Variants in EPC2 observed in about 807,000 individuals in gnomAD.
EPC2 encodes the protein enhancer of polycomb homolog 2.
A neutral mutation model predicts 92.1 loss-of-function variants in EPC2; 14 were observed. That is an observed-to-expected ratio of 0.15 (90% confidence interval 0.10 to 0.24). The LOEUF (loss-of-function observed/expected upper bound fraction) is 0.24. Ranked by LOEUF, EPC2 falls within the 10% of genes least tolerant of loss-of-function variation. EPC2 has a pLI of 1.00. For synonymous variants in EPC2, 340 were observed against 334.7 expected (o/e 1.02, Z -0.17); for missense variants, 755 against 971.5 (o/e 0.78, Z 2.96).
At chr2:148,736,510 A>AGG (rs1682756952) in intron 2 of EPC2, among the ~76,000 whole-genome samples, 1 of 152,114 alleles carries the variant, frequency 6.6e-6, no homozygotes, top group Non-Finnish European at 1.5e-5. Flanking sequence ...GTTGGGTCCT[A>AGG]GGGGTGTTCA....
chr2:148,687,635 T>C (rs79718363), intron 1 of EPC2, among the ~76,000 whole-genome samples: 76 of 152,328 alleles, frequency 5.0e-4, no homozygotes, highest in Admixed American at 1.2e-3. Context: ...TGATGTAGTA[T>C]AGATGATTAT....
intron 2 of EPC2, among the ~76,000 whole-genome samples, chr2:148,739,569 T>C (rs1682832765): frequency 6.6e-6 from 1 of 152,200 alleles, no homozygotes; most frequent in Non-Finnish European, 1.5e-5. Flanking sequence ...ATATATATTT[T>C]GTAAGCTATA....
At chr2:148,691,350 C>T (rs1681639899) in intron 2 of EPC2, among the ~76,000 whole-genome samples, 1 of 152,144 alleles carries the variant, frequency 6.6e-6, no homozygotes, top group Non-Finnish European at 1.5e-5. Flanking sequence ...TCCCAAGGCT[C>T]AACATCCGGC....
chr2:148,682,678 C>T (rs552785651), intron 1 of EPC2, among the ~76,000 whole-genome samples: 1 of 152,260 alleles, frequency 6.6e-6, no homozygotes, highest in African/African-American at 2.4e-5. Context: ...CTCCCCTCCT[C>T]TCACTGTATT....
chr2:148,667,985 G>C (rs1681086244), intron 1 of EPC2, among the ~76,000 whole-genome samples: 1 of 151,962 alleles, frequency 6.6e-6, no homozygotes, highest in Non-Finnish European at 1.5e-5. Context: ...CACGACCTCT[G>C]CCTCCCAGGT....
Position 148,762,705 on chromosome 2 carries a change from A to G in EPC2, c.851A>G (p.Asn284Ser). 1 of 1,609,036 alleles carries G rather than the reference A, an allele frequency of 6.2e-7. No individual in the cohort carries two copies. Among genetic ancestry groups the G allele is most frequent in the South Asian group, 1.1e-5 (1 of 90,078 alleles). ...HLGDYGGEIL[N>S]EVKISRSEKE... ...GGAGACTATGGTGGTGAAATCCTTA[A>G]TGAAGTAAAAATCAGTAGATCAGAA... is the stretch of plus-strand genomic sequence containing the variant. Residue 284 changes from asparagine to serine, a missense_variant, in exon 6 of 14, where the codon AAT (asparagine) becomes AGT (serine). By Grantham distance (46) the Asn-to-Ser change is conservative. Transcript: ENST00000258484.
At chr2:148,781,585 TTG>T in intron 10 of EPC2, 57 bp from the exon 11 acceptor site, 2 of 1,493,916 alleles carry the variant, frequency 1.3e-6, no homozygotes, top group South Asian at 1.2e-5. Flanking sequence ...CATATTCTGC[TTG>T]TGTTATTAAA....
At chr2:148,671,896 A>C (rs1215214788) in intron 1 of EPC2, among the ~76,000 whole-genome samples, 1 of 152,134 alleles carries the variant, frequency 6.6e-6, no homozygotes, top group Non-Finnish European at 1.5e-5. Context: ...TTGGATTACA[A>C]GCCAAATTGA....
intron 2 of EPC2, among the ~76,000 whole-genome samples, chr2:148,736,861 A>C (rs1466217336): frequency 1.3e-5 from 2 of 151,826 alleles, no homozygotes; most frequent in African/African-American, 4.8e-5. Context: ...GCAGTTTGGG[A>C]GGCTGAGGCA....
intron 2 of EPC2, among the ~76,000 whole-genome samples, chr2:148,707,421 C>T (rs907945624): frequency 1.3e-5 from 2 of 152,148 alleles, no homozygotes; most frequent in African/African-American, 4.8e-5. Context: ...ACCCCACTGT[C>T]AACATTAGAC....
chr2:148,758,132 A>G (rs910374024), intron 4 of EPC2, among the ~76,000 whole-genome samples: 8 of 130,456 alleles, frequency 6.1e-5, no homozygotes, highest in Non-Finnish European at 1.1e-4. Flanking sequence ...ATTCTACCCC[A>G]TAGAGTAACC....
chr2:148,659,013 G>GGGT (rs1011823183), intron 1 of EPC2, among the ~76,000 whole-genome samples: 1 of 151,952 alleles, frequency 6.6e-6, no homozygotes, highest in African/African-American at 2.4e-5. Context: ...GGCAGTGCAT[G>GGGT]GGTGGTGGTG....
At chr2:148,747,453 C>G (rs1209899024) in intron 3 of EPC2, among the ~76,000 whole-genome samples, 3 of 152,050 alleles carry the variant, frequency 2.0e-5, no homozygotes, top group Admixed American at 6.6e-5. Flanking sequence ...GCCCAAGTCC[C>G]TATTTCCAGG....
At chr2:148,690,800 TTACA>T (rs1681630213) in intron 2 of EPC2, among the ~76,000 whole-genome samples, 1 of 152,128 alleles carries the variant, frequency 6.6e-6, no homozygotes, top group African/African-American at 2.4e-5. Flanking sequence ...GTAGTTGGGA[TTACA>T]GGCGTGTGCC....
chr2:148,669,854 CTTTAAATTTTGAGG>C (rs1435258889), intron 1 of EPC2, among the ~76,000 whole-genome samples: 1 of 152,060 alleles, frequency 6.6e-6, no homozygotes, highest in Non-Finnish European at 1.5e-5. Flanking sequence ...ATCCAATGCC[CTTTAAATTTTGAGG>C]TTTTTCAGTC....
At position 148,765,097 on chromosome 2, in the gene EPC2, A is replaced by G. The variant is rs997432324; in HGVS notation, c.1091A>G (p.Asp364Gly). The part of the protein sequence containing the change: ...PETLPVINKS[D>G]IKQYDFHSSD... ...ACATTGCCTGTGATCAATAAGAGTG[A>G]CATTAAGCAATATGATTTTCACAGC... The change falls in exon 7 of 14, where the codon GAC becomes GGC. Residue 364 changes from aspartate (D) to glycine (G), a missense_variant. By Grantham distance (94) the Asp-to-Gly change is moderately conservative. Around this residue, in one of 4 missense-constraint regions of EPC2, gnomAD observed 509 missense variants for 607.7 expected, o/e 0.84. Transcript: ENST00000258484. 6.3e-7 allele frequency: 1 copy of G among 1,595,474 alleles called. No individual in the cohort carries two copies. The highest frequency in any genetic ancestry group is 8.5e-7 in the Non-Finnish European group (1 of 1,170,218).
chr2:148,698,363 C>T (rs968383567), intron 2 of EPC2, among the ~76,000 whole-genome samples: 6 of 152,056 alleles, frequency 3.9e-5, no homozygotes, highest in Admixed American at 6.6e-5. Context: ...TTTGGCTGGG[C>T]GCAGTGGCTC....
chr2:148,760,465 C>T (rs1683281317), intron 4 of EPC2, among the ~76,000 whole-genome samples: 1 of 152,140 alleles, frequency 6.6e-6, no homozygotes, highest in Non-Finnish European at 1.5e-5. Flanking sequence ...GTCATCCTTA[C>T]TAGATTCTAA....
chr2:148,700,211 A>G lies in EPC2; in HGVS notation c.313+9838A>G, dbSNP rs371727398. Among the ~76,000 whole-genome samples, 6 of 152,020 alleles carry G rather than the reference A, an allele frequency of 3.9e-5. No homozygotes were observed. The East Asian group carries it at 7.7e-4, about 20-fold the overall frequency. On this transcript the variant is annotated intron_variant, in intron 2 of 13. Coordinates refer to ENST00000258484, the MANE Select transcript of EPC2 (RefSeq NM_015630.4). ...CTAACAGTGTCTTTCACAGAGTGAA[A>G]GTTTTTAATTTTAATGAAGTCCAGC...
Sources: allele counts gnomAD v4.1 joint callset (sites outside exome capture counted in the v4.1 genomes callset), GRCh38; gene constraint gnomAD v4.1.1; regional missense constraint gnomAD v4.1.1; transcripts MANE v1.5; gene names NCBI Gene and HGNC (gene_info 2026-07-23, HGNC 2026-07-21).